ROBO1: variants seen among roughly 807,000 people sequenced by gnomAD.
ROBO1 encodes roundabout homolog 1.
A neutral mutation model predicts 195.9 loss-of-function variants in ROBO1; 149 were observed. That is an observed-to-expected ratio of 0.76 (90% confidence interval 0.67 to 0.87). The LOEUF (loss-of-function observed/expected upper bound fraction) is 0.87. ROBO1 is among the 40% of genes least tolerant of loss of function. ROBO1 has a pLI of 0.00. For missense variants in ROBO1, 1,933 were observed against 2,068.3 expected (o/e 0.93, Z 1.27); for synonymous variants, 816 against 733.2 (o/e 1.11, Z -1.82).
At chr3:79,724,078 G>A (rs1384246119) in intron 1 of ROBO1, among the ~76,000 whole-genome samples, 3 of 152,082 alleles carry the variant, frequency 2.0e-5, no homozygotes, top group African/African-American at 7.2e-5. Flanking sequence ...TACAGTCTTC[G>A]TTGTTCACTT....
chr3:78,775,080 G>A (rs760927316), intron 4 of ROBO1, among the ~76,000 whole-genome samples: 2 of 152,140 alleles, frequency 1.3e-5, no homozygotes, highest in Non-Finnish European at 2.9e-5. Context: ...ACACTTTGAA[G>A]AAATGCATAT....
intron 5 of ROBO1, among the ~76,000 whole-genome samples, chr3:78,734,363 C>T (rs1409024000): frequency 6.8e-6 from 1 of 147,718 alleles, no homozygotes. Flanking sequence ...CTACAGAAGA[C>T]CAACCTTGGC....
At position 78,725,674 on chromosome 3, in the gene ROBO1, A is replaced by T. The variant is rs545606928; in HGVS notation, c.658-7791T>A. ...GCATCAGTATTCTTATTTCCAGAATACAAGAAACAAAATTTAACTTTGCAC... is the reference window on the plus strand; with the variant it reads ...GCATCAGTATTCTTATTTCCAGAATTCAAGAAACAAAATTTAACTTTGCAC... On this transcript the variant is annotated intron_variant, in intron 5 of 30. Transcript: ENST00000464233. Among the ~76,000 whole-genome samples, 169 of 152,338 alleles carry T rather than the reference A, an allele frequency of 1.1e-3. 1 individual carries two copies. The highest frequency in any genetic ancestry group is 2.1e-3 in the Non-Finnish European group (141 of 68,036).
At chr3:79,590,402 C>A (rs931636363) in intron 1 of ROBO1, among the ~76,000 whole-genome samples, 5 of 151,722 alleles carry the variant, frequency 3.3e-5, no homozygotes, top group African/African-American at 1.2e-4. Flanking sequence ...AAAAAACTTG[C>A]TCTTCACCCA....
intron 2 of ROBO1, among the ~76,000 whole-genome samples, chr3:79,367,784 G>GTA (rs2036033274): frequency 6.6e-6 from 1 of 152,154 alleles, no homozygotes; most frequent in South Asian, 2.1e-4. Flanking sequence ...TTGTAATTAA[G>GTA]TATTACGAGT....
At chr3:79,070,205 G>A (rs1284170713) in intron 3 of ROBO1, among the ~76,000 whole-genome samples, 1 of 151,866 alleles carries the variant, frequency 6.6e-6, no homozygotes, top group East Asian at 1.9e-4. Context: ...GTCATCCAGT[G>A]TGGTAGTCCC....
At chr3:78,675,958 G>A (rs1708397177) in intron 10 of ROBO1, among the ~76,000 whole-genome samples, 1 of 151,992 alleles carries the variant, frequency 6.6e-6, no homozygotes, top group African/African-American at 2.4e-5. Context: ...CACAGGGCCG[G>A]GTACTCCTCT....
chr3:79,622,162 G>C (rs1560046301), intron 1 of ROBO1, among the ~76,000 whole-genome samples: 1 of 152,154 alleles, frequency 6.6e-6, no homozygotes, highest in Non-Finnish European at 1.5e-5. Flanking sequence ...ATGCTACCCA[G>C]ACAGGGAAAC....
chr3:78,880,609 G>A (rs2036121790), intron 4 of ROBO1, among the ~76,000 whole-genome samples: 1 of 152,154 alleles, frequency 6.6e-6, no homozygotes, highest in South Asian at 2.1e-4. Context: ...AAAATAAAAT[G>A]CAAAATGTCA....
At chr3:79,338,440 C>A (rs574443882) in intron 2 of ROBO1, among the ~76,000 whole-genome samples, 1 of 152,276 alleles carries the variant, frequency 6.6e-6, no homozygotes, top group South Asian at 2.1e-4. Flanking sequence ...CCATTTCTAA[C>A]CTATTTTGTC....
intron 2 of ROBO1, among the ~76,000 whole-genome samples, chr3:79,521,041 A>G (rs1220870679): frequency 2.6e-5 from 4 of 152,150 alleles, no homozygotes; most frequent in Non-Finnish European, 5.9e-5. Flanking sequence ...AGCTACTTTC[A>G]TTGAATAATC....
chr3:79,102,538 A>G (rs565015555), intron 3 of ROBO1, among the ~76,000 whole-genome samples: 119 of 151,972 alleles, frequency 7.8e-4, no homozygotes, highest in Admixed American at 3.0e-3. Flanking sequence ...CTGTTTGCCA[A>G]TTTACATGAA....
At chr3:79,659,891 T>C (rs1027396418) in intron 1 of ROBO1, among the ~76,000 whole-genome samples, 3 of 152,056 alleles carry the variant, frequency 2.0e-5, no homozygotes, top group African/African-American at 7.2e-5. Flanking sequence ...TTTATTGAAG[T>C]TGATCTAACA....
intron 1 of ROBO1, among the ~76,000 whole-genome samples, chr3:79,657,402 T>C (rs74635456): frequency 6.6e-6 from 1 of 152,108 alleles, no homozygotes; most frequent in African/African-American, 2.4e-5. Flanking sequence ...TTGCTTCCAG[T>C]GAATGAGAGA....
At chr3:79,606,989 G>C (rs571514506) in intron 1 of ROBO1, among the ~76,000 whole-genome samples, 1 of 151,754 alleles carries the variant, frequency 6.6e-6, no homozygotes, top group East Asian at 1.9e-4. Flanking sequence ...TCCCATGATT[G>C]TCCTTACTGA....
chr3:79,305,392 C>A (rs1423346011), intron 2 of ROBO1, among the ~76,000 whole-genome samples: 2 of 146,800 alleles, frequency 1.4e-5, no homozygotes, highest in Non-Finnish European at 3.0e-5. Flanking sequence ...GAGGCTGAGG[C>A]AGGAGAATCA....
At chr3:79,391,308 CA>C (rs1446301778) in intron 2 of ROBO1, among the ~76,000 whole-genome samples, 2 of 151,838 alleles carry the variant, frequency 1.3e-5, no homozygotes, top group East Asian at 3.9e-4. Flanking sequence ...AAACAAAAAA[CA>C]AAACCATAAA....
intron 28 of ROBO1, among the ~76,000 whole-genome samples, chr3:78,611,669 T>C (rs924765870): frequency 1.3e-5 from 2 of 152,204 alleles, no homozygotes; most frequent in Admixed American, 6.5e-5. Flanking sequence ...ATGGGCTGAA[T>C]TGTGCCCCCT....
intron 2 of ROBO1, among the ~76,000 whole-genome samples, chr3:79,396,969 CA>C (rs1352870927): frequency 6.6e-6 from 1 of 151,694 alleles, no homozygotes; most frequent in Non-Finnish European, 1.5e-5. Flanking sequence ...AAAGGAAAAC[CA>C]AATCAAAACT....
Sources: gnomAD v4.1 joint callset for allele counts (sites outside exome capture counted in the v4.1 genomes callset) on GRCh38, gnomAD v4.1.1 for gene constraint, MANE v1.5 for transcripts, NCBI Gene and HGNC (gene_info 2026-07-23, HGNC 2026-07-21) for gene names.